The following SNX29 variants were observed in gnomAD, a reference collection of about 807,000 sequenced individuals.
SNX29 encodes the protein sorting nexin-29.
In SNX29, 78 loss-of-function variants were observed where a neutral mutation model predicts 102.1. That is an observed-to-expected ratio of 0.76 (90% CI 0.64 to 0.92). The LOEUF (loss-of-function observed/expected upper bound fraction) is 0.92, where lower values mean the gene tolerates loss of function less well. Among genes scored for constraint, SNX29 ranks in the 40% least tolerant of loss-of-function variants. The probability of loss-of-function intolerance (pLI) is 0.00; values close to 1 mark genes in which losing one functional copy is unlikely to be tolerated. For missense variants in SNX29, 1,280 were observed against 1,061.7 expected (o/e 1.21, Z -2.86); for synonymous variants, 580 against 414.5 (o/e 1.40, Z -4.85).
chr16:12,060,868 G>C (rs1467449012), intron 8 of SNX29: 9 of 456,156 alleles, frequency 2.0e-5, no homozygotes. Flanking sequence ...CAGATCATAT[G>C]AGCATGGTTA....
chr16:12,212,714 GTTCC>G lies in SNX29; in HGVS notation c.1678+13034_1678+13037del, dbSNP rs991564468. On this transcript the variant is annotated intron_variant, in intron 14 of 20. Transcript: ENST00000566228. ...TTTTTTTCATGACTGATGTGTTTGAGTTCCTTGTAGATTCTGGGTATTAACCCCT... is the reference window on the plus strand; with the variant it reads ...TTTTTTTCATGACTGATGTGTTTGAGTTGTAGATTCTGGGTATTAACCCCT... 4.4e-4 allele frequency among the ~76,000 whole-genome samples: 67 copies of G among 152,160 alleles called. 3 individuals carry two copies. Among genetic ancestry groups the G allele is most frequent in the Non-Finnish European group, 8.8e-5 (6 of 68,020 alleles).
intron 20 of SNX29, among the ~76,000 whole-genome samples, chr16:12,544,008 G>C (rs1317730847): frequency 6.6e-6 from 1 of 152,184 alleles, no homozygotes; most frequent in Non-Finnish European, 1.5e-5. Context: ...AAATGCAAAA[G>C]CCCTGGACTC....
intron 18 of SNX29, among the ~76,000 whole-genome samples, chr16:12,464,830 G>T (rs751428520): frequency 6.6e-6 from 1 of 150,428 alleles, no homozygotes; most frequent in East Asian, 2.1e-4. Context: ...TTTGTTGGAG[G>T]TGCCTTCATA....
chr16:12,288,320 C>G lies in SNX29; in HGVS notation c.1782+10284C>G, dbSNP rs140927475. Among the ~76,000 whole-genome samples the G allele has an allele frequency of 5.9e-3, 898 of 152,272 alleles. 7 individuals carry two copies. The highest frequency in any genetic ancestry group is 0.01 in the Middle Eastern group (3 of 294). ...ACGGCCCCTTTCCATGGCAATGACCCAATGACTCAAAAGTTAATACTTCCT... is the reference window on the plus strand; with the variant it reads ...ACGGCCCCTTTCCATGGCAATGACCGAATGACTCAAAAGTTAATACTTCCT... On this transcript the variant is annotated intron_variant, in intron 15 of 20. Coordinates refer to ENST00000566228, the MANE Select transcript of SNX29 (RefSeq NM_032167.5).
intron 14 of SNX29, among the ~76,000 whole-genome samples, chr16:12,257,523 A>G (rs956261773): frequency 8.5e-6 from 1 of 117,086 alleles, no homozygotes; most frequent in Non-Finnish European, 1.8e-5. Flanking sequence ...CTCTCTCTTT[A>G]AGAGAGACAG....
At position 12,572,786 on chromosome 16, in the gene SNX29, C is replaced by G. The variant is rs2079215696; in HGVS notation, c.*4157C>G. 3 of 1,063,752 alleles carry G rather than the reference C, an allele frequency of 2.8e-6. No individual in the cohort carries two copies. Among genetic ancestry groups the G allele is most frequent in the Middle Eastern group, 4.2e-4 (1 of 2,388 alleles). 65.9% of individuals were successfully genotyped at this position (1,063,752 alleles called of 1,614,324 possible). On this transcript the variant is annotated 3_prime_UTR_variant, in exon 21 of 21. Transcript: ENST00000566228. ...ACCCGAGGAAGACCCCACCTCACTC[C>G]TCCTTCCCCAGTACATCAGACTGGT...
At chr16:12,253,821 G>C (rs987851223) in intron 14 of SNX29, among the ~76,000 whole-genome samples, 1 of 152,178 alleles carries the variant, frequency 6.6e-6, no homozygotes, top group Non-Finnish European at 1.5e-5. Flanking sequence ...TTGCTGTGTG[G>C]AGACTGGAGT....
At chr16:12,235,851 T>C (rs1430717335) in intron 14 of SNX29, among the ~76,000 whole-genome samples, 1 of 151,672 alleles carries the variant, frequency 6.6e-6, no homozygotes, top group African/African-American at 2.4e-5. Context: ...GATTCTGACA[T>C]AAAAATCACA....
intron 18 of SNX29, among the ~76,000 whole-genome samples, chr16:12,448,191 A>G (rs2086148135): frequency 1.3e-5 from 2 of 152,184 alleles, no homozygotes; most frequent in African/African-American, 4.8e-5. Context: ...GTAAGTGACA[A>G]AACCAAGGCT....
chr16:12,270,154 G>A (rs898000297), intron 14 of SNX29, among the ~76,000 whole-genome samples: 2 of 152,090 alleles, frequency 1.3e-5, no homozygotes, highest in African/African-American at 4.8e-5. Flanking sequence ...GAGCCACCAC[G>A]TCCAGCCCCG....
At chr16:12,025,041 C>A (rs1451444569) in intron 3 of SNX29, among the ~76,000 whole-genome samples, 1 of 152,076 alleles carries the variant, frequency 6.6e-6, no homozygotes, top group Non-Finnish European at 1.5e-5. Flanking sequence ...ATGGTTCATT[C>A]CTGTAATCCC....
At chr16:12,559,753 GACA>G (rs2078608492) in intron 20 of SNX29, among the ~76,000 whole-genome samples, 1 of 151,958 alleles carries the variant, frequency 6.6e-6, no homozygotes, top group Non-Finnish European at 1.5e-5. Context: ...TGCCCAGCCT[GACA>G]GCAGTCACTC....
At chr16:12,483,114 GTTTTTTTTTTTT>G (rs574090459) in intron 19 of SNX29, among the ~76,000 whole-genome samples, 1,342 of 66,246 alleles carry the variant, frequency 0.02, 45 homozygotes, top group East Asian at 0.064. Context: ...AAGTTATTAA[GTTTTTTTTTTTT>G]TTTTTTTTTT....
Position 12,498,313 on chromosome 16 carries a change from C to T in SNX29, c.2178+20454C>T, listed in dbSNP as rs546292335. Among the ~76,000 whole-genome samples the T allele has an allele frequency of 2.6e-5, 4 of 152,200 alleles. No homozygotes were observed. In the South Asian group the frequency reaches 8.3e-4, roughly 32 times the overall value. The stretch of plus-strand genomic sequence containing the variant: ...GTGAGGCAAAACAGCAAGGCAGGGC[C>T]AGTTACCTTGTATGCTTAGCTAAGG... On this transcript the variant is annotated intron_variant, in intron 19 of 20. Transcript: ENST00000566228.
At chr16:12,332,265 C>G (rs1269230541) in intron 15 of SNX29, among the ~76,000 whole-genome samples, 1 of 152,050 alleles carries the variant, frequency 6.6e-6, no homozygotes, top group Non-Finnish European at 1.5e-5. Flanking sequence ...TGTGTGTGTG[C>G]ACGGGCATAT....
intron 17 of SNX29, among the ~76,000 whole-genome samples, chr16:12,401,368 T>A (rs1192002537): frequency 6.9e-6 from 1 of 144,956 alleles, no homozygotes; most frequent in Non-Finnish European, 1.5e-5. Context: ...AATTTTTTTT[T>A]TTTTTTTTTT....
chr16:12,368,066 CT>C, intron 16 of SNX29, among the ~76,000 whole-genome samples: 1 of 152,290 alleles, frequency 6.6e-6, no homozygotes, highest in South Asian at 2.1e-4. Flanking sequence ...CTTCTTGCAC[CT>C]GGGGGGAGTT....
At chr16:12,355,965 C>T (rs981723564) in intron 15 of SNX29, among the ~76,000 whole-genome samples, 198 bp from the exon 16 acceptor site, 8 of 150,324 alleles carry the variant, frequency 5.3e-5, no homozygotes, top group African/African-American at 1.5e-4. Context: ...TCTGAAGTGT[C>T]GGTATGAAGC....
At chr16:12,461,951 G>A (rs2086791604) in intron 18 of SNX29, among the ~76,000 whole-genome samples, 1 of 52,714 alleles carries the variant, frequency 1.9e-5, no homozygotes, top group Non-Finnish European at 3.0e-5. Context: ...GCGAGACTCT[G>A]TCTCAAAAAA....
Sources: gnomAD v4.1 joint callset for allele counts (sites outside exome capture counted in the v4.1 genomes callset) on GRCh38, gnomAD v4.1.1 for gene constraint, MANE v1.5 for transcripts, NCBI Gene and HGNC (gene_info 2026-07-23, HGNC 2026-07-21) for gene names.